The following FGF18 variants were observed in gnomAD, a reference collection of about 807,000 sequenced individuals.
FGF18 encodes fibroblast growth factor 18.
In FGF18, 5 loss-of-function variants were observed where a neutral mutation model predicts 23.0. The observed-to-expected ratio is 0.22, with a 90% CI of 0.11 to 0.46. The LOEUF (loss-of-function observed/expected upper bound fraction) is 0.46, where lower values mean the gene tolerates loss of function less well. Among genes scored for constraint, FGF18 ranks in the 20% least tolerant of loss-of-function variants. FGF18 has a pLI of 0.99. For synonymous variants in FGF18, 117 were observed against 118.9 expected (o/e 0.98, Z 0.10); for missense variants, 180 against 291.6 (o/e 0.62, Z 2.79).
chr5:171,434,260 A>G lies in FGF18; in HGVS notation c.70-1833A>G, dbSNP rs183654461. ...AGTGGAGCTGACAGTTTCCTCATCC[A>G]TAATGTGGGATGATGCTTCCACCCT... On this transcript the variant is annotated intron_variant, in intron 2 of 4. Coordinates refer to ENST00000274625, the MANE Select transcript of FGF18 (RefSeq NM_003862.3). The surrounding 1 kb of genome is among the most constrained non-coding windows in gnomAD (Gnocchi z 4.6). 8.5e-5 allele frequency among the ~76,000 whole-genome samples: 13 copies of G among 152,348 alleles called. No homozygotes were observed. The East Asian group carries it at 2.3e-3, about 27-fold the overall frequency.
chr5:171,454,837 A>G (rs1045049665), intron 4 of FGF18, among the ~76,000 whole-genome samples: 6 of 152,224 alleles, frequency 3.9e-5, no homozygotes, highest in African/African-American at 1.4e-4. Flanking sequence ...CTGCTAATTC[A>G]GGCCTTCCAA....
chr5:171,428,730 A>T (rs529482069), intron 2 of FGF18, among the ~76,000 whole-genome samples: 2 of 152,278 alleles, frequency 1.3e-5, no homozygotes, highest in South Asian at 4.1e-4. Context: ...TTGTTACCTC[A>T]TGGGCATGGA....
At position 171,456,729 on chromosome 5, in the gene FGF18, C is replaced by T. The variant is rs150911562; in HGVS notation, c.548C>T (p.Pro183Leu). The change falls in exon 5 of 5, where the codon CCG becomes CTG. Residue 183 changes from proline to leucine, a missense_variant. Transcript: ENST00000274625. This position sits in a 1 kb window ranked among gnomAD's most constrained non-coding sequence, Gnocchi z 6.1. ...ATGAAGCGCTACCCCAAGGGGCAGCCGGAGCTTCAGAAGCCCTTCAAGTAC... is the reference window on the plus strand; with the variant it reads ...ATGAAGCGCTACCCCAAGGGGCAGCTGGAGCTTCAGAAGCCCTTCAAGTAC... Reference protein sequence around the residue: ...HFMKRYPKGQPELQKPFKYTT... With the variant: ...HFMKRYPKGQLELQKPFKYTT... 1,404 of 1,613,856 alleles carry T rather than the reference C, an allele frequency of 8.7e-4. 3 individuals carry two copies. Among genetic ancestry groups the T allele is most frequent in the Non-Finnish European group, 1.1e-3 (1,337 of 1,180,010 alleles).
At chr5:171,426,344 G>C (rs1772089095) in intron 2 of FGF18, among the ~76,000 whole-genome samples, 2 of 152,180 alleles carry the variant, frequency 1.3e-5, no homozygotes, top group Non-Finnish European at 2.9e-5. Flanking sequence ...GTGGGTAAGG[G>C]CTGCTCTGAG....
At chr5:171,425,954 A>G (rs1772083105) in intron 2 of FGF18, among the ~76,000 whole-genome samples, 1 of 152,176 alleles carries the variant, frequency 6.6e-6, no homozygotes, top group African/African-American at 2.4e-5. Context: ...TCACATAGCA[A>G]GAGAGAGGCA....
chr5:171,423,673 T>C (rs1469169535), intron 2 of FGF18, among the ~76,000 whole-genome samples: 1 of 151,942 alleles, frequency 6.6e-6, no homozygotes, highest in Non-Finnish European at 1.5e-5. Flanking sequence ...GCCTCCTCAG[T>C]GAGGTTTAGA....
At chr5:171,426,252 G>A (rs556086011) in intron 2 of FGF18, among the ~76,000 whole-genome samples, 112 of 152,156 alleles carry the variant, frequency 7.4e-4, no homozygotes, top group African/African-American at 2.5e-3. Context: ...CCCCCTGCCC[G>A]CCCCCATCAG....
At chr5:171,439,592 G>A (rs1772305643) in intron 3 of FGF18, among the ~76,000 whole-genome samples, 1 of 152,216 alleles carries the variant, frequency 6.6e-6, no homozygotes, top group Non-Finnish European at 1.5e-5. Context: ...AGCTCTGCCA[G>A]GGAGCATCTT....
intron 3 of FGF18, among the ~76,000 whole-genome samples, chr5:171,437,991 G>A (rs1772277492): frequency 6.6e-6 from 1 of 152,170 alleles, no homozygotes; most frequent in Admixed American, 6.5e-5. Flanking sequence ...GGGAACTCAG[G>A]GAATCTTTCC....
chr5:171,455,893 T>C (rs1434616186), intron 4 of FGF18, among the ~76,000 whole-genome samples: 1 of 152,132 alleles, frequency 6.6e-6, no homozygotes, highest in Non-Finnish European at 1.5e-5. Context: ...AATAGATTTC[T>C]GAATGACAAT....
intron 2 of FGF18, among the ~76,000 whole-genome samples, chr5:171,423,677 G>A (rs973260590): frequency 6.6e-5 from 10 of 151,984 alleles, no homozygotes; most frequent in African/African-American, 2.4e-4. Flanking sequence ...CCTCAGTGAG[G>A]TTTAGACCCT....
At chr5:171,448,725 C>T (rs1014600768) in intron 3 of FGF18, among the ~76,000 whole-genome samples, 3 of 152,006 alleles carry the variant, frequency 2.0e-5, no homozygotes, top group Non-Finnish European at 4.4e-5. Context: ...GCCGTCTGTC[C>T]TGCTTTGGGA....
chr5:171,449,251 A>G lies in FGF18; in HGVS notation c.355A>G (p.Lys119Glu). 1 of 1,611,984 alleles carries G rather than the reference A, an allele frequency of 6.2e-7. No homozygotes were observed. The highest frequency in any genetic ancestry group is 8.5e-7 in the Non-Finnish European group (1 of 1,178,272). Residue 119 changes from lysine (K) to glutamate (E), a missense_variant and splice_region_variant, in exon 4 of 5, where the codon AAG (lysine) becomes GAG (glutamate). Transcript: ENST00000274625. Reference protein sequence around the residue: ...CMNRKGKLVGKPDGTSKECVF... With the variant: ...CMNRKGKLVGEPDGTSKECVF... ...GAACCGCAAAGGCAAGCTCGTGGGG[A>G]AGGTGAGTGATGGTTTGGGATTCCC... is the stretch of plus-strand genomic sequence containing the variant.
At chr5:171,452,904 T>C (rs1428031636) in intron 4 of FGF18, among the ~76,000 whole-genome samples, 2 of 152,120 alleles carry the variant, frequency 1.3e-5, no homozygotes, top group Non-Finnish European at 2.9e-5. Flanking sequence ...CAGGGGGTAG[T>C]TCTAGTTTCA....
At chr5:171,424,340 T>C (rs995185848) in intron 2 of FGF18, among the ~76,000 whole-genome samples, 1 of 152,250 alleles carries the variant, frequency 6.6e-6, no homozygotes, top group Non-Finnish European at 1.5e-5. Context: ...AGCAGTGATT[T>C]GCATGAAGGA....
At position 171,424,203 on chromosome 5, in the gene FGF18, G is replaced by C. The variant is rs1275450006; in HGVS notation, c.69+3760G>C. Reference sequence around the variant, plus strand: ...GGCCTCCAAGAGCTCCCAGTTTAAAGGGAGAAAGTGCCAGATGAACAGAGC... The same window carrying C: ...GGCCTCCAAGAGCTCCCAGTTTAAACGGAGAAAGTGCCAGATGAACAGAGC... On this transcript the variant is annotated intron_variant, in intron 2 of 4. Coordinates refer to ENST00000274625, the MANE Select transcript of FGF18 (RefSeq NM_003862.3). 2.6e-5 allele frequency among the ~76,000 whole-genome samples: 4 copies of C among 152,224 alleles called. No individual in the cohort carries two copies. The East Asian group carries it at 7.7e-4, about 29-fold the overall frequency.
chr5:171,446,532 C>T (rs992201600), intron 3 of FGF18, among the ~76,000 whole-genome samples: 1 of 152,166 alleles, frequency 6.6e-6, no homozygotes, highest in African/African-American at 2.4e-5. Flanking sequence ...GTAAGGGGAG[C>T]ATAGCAGGAA....
At chr5:171,446,156 G>A (rs1361497309) in intron 3 of FGF18, among the ~76,000 whole-genome samples, 2 of 152,212 alleles carry the variant, frequency 1.3e-5, no homozygotes, top group Admixed American at 6.5e-5. Flanking sequence ...TGCTGCGGTC[G>A]GGGAGAGAAC....
rs1048118912 is a variant in FGF18 at position 171,420,531 on chromosome 5, G to A, written c.69+88G>A. ...TTCCCCGGCCGCGCCCCCTCCCTGT[G>A]CCCCACCCCTCCTGGGCGCTGAGCC... is the stretch of plus-strand genomic sequence containing the variant. On this transcript the variant is annotated intron_variant, in intron 2 of 4. Transcript: ENST00000274625. 7 of 1,301,276 alleles carry A rather than the reference G, an allele frequency of 5.4e-6. No individual in the cohort carries two copies. In the African/African-American group the frequency reaches 8.7e-5, roughly 16 times the overall value. The allele number at this position is 1,301,276 out of a possible 1,614,324, so 80.6% of individuals were successfully genotyped here.
Sources: allele counts gnomAD v4.1 joint callset (sites outside exome capture counted in the v4.1 genomes callset), GRCh38; gene constraint gnomAD v4.1.1; non-coding constraint Gnocchi (gnomAD v3.1); transcripts MANE v1.5; gene names NCBI Gene and HGNC (gene_info 2026-07-23, HGNC 2026-07-21).